The following CEBPZOS variants were observed in gnomAD, a reference collection of about 807,000 sequenced individuals.
The protein encoded by CEBPZOS is CEBPZ opposite strand.
Under a neutral mutation model 4.8 loss-of-function variants are expected in CEBPZOS, and 10 were observed. The ratio of observed to expected loss-of-function variants is 2.07; its 90% CI spans 1.28 to 3.52. CEBPZOS has a LOEUF of 3.52. CEBPZOS is among the 30% of genes most tolerant of loss of function. The pLI is 0.00. For synonymous variants in CEBPZOS, 25 were observed against 14.2 expected (o/e 1.77, Z -1.72); for missense variants, 98 against 43.6 (o/e 2.25, Z -3.51).
intron 4 of CEBPZOS, chr2:37,211,753 G>T: frequency 1.1e-6 from 1 of 891,032 alleles, no homozygotes; most frequent in Non-Finnish European, 1.7e-6. Flanking sequence ...TGAATACAGG[G>T]CTATATTAAA....
chr2:37,214,642 C>T (rs191502672), downstream of CEBPZOS, among the ~76,000 whole-genome samples: 7 of 152,158 alleles, frequency 4.6e-5, no homozygotes, highest in East Asian at 3.9e-4. Flanking sequence ...AGCAAAATGA[C>T]GGATTTGTAA....
At position 37,203,842 on chromosome 2, in the gene CEBPZOS, G is replaced by GT. The variant is rs1436768373; in HGVS notation, c.*1987dup. On this transcript the variant is annotated 3_prime_UTR_variant, in exon 5 of 5. Transcript: ENST00000402297. ...TCTGACTTTTTTCATTTAGCATAAC[G>GT]TTTTTGAGGCTCATCCATGTTGTAG... 2.0e-5 allele frequency: 3 copies of GT among 152,114 alleles called. No homozygotes were observed. The highest frequency in any genetic ancestry group is 7.2e-5 in the African/African-American group (3 of 41,416). The allele number at this position is 152,114 out of a possible 1,614,324, so 9.4% of individuals were successfully genotyped here.
rs569299504 is a variant in CEBPZOS at position 37,211,913 on chromosome 2, T to G, written c.*3-1524T>G. On this transcript the variant is annotated intron_variant, in intron 4 of 4. Coordinates refer to the CEBPZOS transcript ENST00000397064. ...CTCCATCTTCATCAACTTCAGCAAA[T>G]TCTTCATCATCCATACTTCCTAAAG... 100 of 1,613,376 alleles carry G rather than the reference T, an allele frequency of 6.2e-5. No homozygotes were observed. In the East Asian group the frequency reaches 2.1e-3, roughly 34 times the overall value.
chr2:37,212,472 TAA>T, intron 4 of CEBPZOS: 3 of 1,195,098 alleles, frequency 2.5e-6, no homozygotes, highest in Non-Finnish European at 1.2e-6. Context: ...TCAATTATTC[TAA>T]GTCATGATTC....
intron 4 of CEBPZOS, chr2:37,212,468 AT>A (rs1179671477): frequency 1.1e-4 from 129 of 1,227,422 alleles, no homozygotes; most frequent in Non-Finnish European, 1.5e-4. Context: ...TGAATCAATT[AT>A]TCTAAGTCAT....
intron 1 of CEBPZOS, among the ~76,000 whole-genome samples, chr2:37,199,237 G>A (rs1677093459): frequency 6.6e-6 from 1 of 152,076 alleles, no homozygotes; most frequent in Admixed American, 6.5e-5. Flanking sequence ...AATAGTGTAT[G>A]TTGTATTAAT....
At chr2:37,211,602 C>A (rs887183197) in intron 4 of CEBPZOS, 1 of 441,120 alleles carries the variant, frequency 2.3e-6, no homozygotes, top group South Asian at 4.9e-5. Context: ...TACAGAGAAG[C>A]TAGCTGCTGG....
chr2:37,200,801 A>AG (rs932301215), intron 2 of CEBPZOS, among the ~76,000 whole-genome samples: 5 of 152,192 alleles, frequency 3.3e-5, no homozygotes, highest in South Asian at 4.1e-4. Context: ...AGCCCAGCCC[A>AG]GGGGGGTCTA....
Position 37,211,706 on chromosome 2 carries a change from G to A in CEBPZOS, c.*3-1731G>A, listed in dbSNP as rs187691765. On this transcript the variant is annotated intron_variant, in intron 4 of 4. Coordinates refer to the CEBPZOS transcript ENST00000397064. The stretch of plus-strand genomic sequence containing the variant: ...TTCAGCTCCAAACGAGAAGGGAAAA[G>A]GTCCTTTTAAGTTTCTGGCTGACAT... 1.1e-4 allele frequency: 70 copies of A among 617,296 alleles called. 1 individual carries two copies. The East Asian group carries it at 1.9e-3, about 17-fold the overall frequency. The allele number at this position is 617,296 out of a possible 1,614,324, so 38.2% of individuals were successfully genotyped here. A position where few individuals can be genotyped will look rare whatever the true frequency, so the allele number is the denominator to read the frequency against.
intron 4 of CEBPZOS, chr2:37,209,772 C>A (rs943531123): frequency 6.6e-6 from 1 of 151,948 alleles, no homozygotes; most frequent in Admixed American, 6.6e-5. Context: ...GCAACAAAAA[C>A]AAATAGATGG....
intron 1 of CEBPZOS, among the ~76,000 whole-genome samples, chr2:37,197,837 G>A (rs986358650): frequency 6.6e-6 from 1 of 151,982 alleles, no homozygotes; most frequent in African/African-American, 2.4e-5. Context: ...CTGCACTCCT[G>A]CCTGGGAGAC....
At chr2:37,215,631 T>C (rs1007922140), downstream of CEBPZOS, 3 of 152,980 alleles carry the variant, frequency 2.0e-5, no homozygotes, top group Non-Finnish European at 4.4e-5. Flanking sequence ...AGATCTGGTA[T>C]GCAAAGAAAT....
Position 37,204,296 on chromosome 2 carries a change from T to C in CEBPZOS, c.*2436T>C, listed in dbSNP as rs1350185791. On this transcript the variant is annotated 3_prime_UTR_variant, in exon 5 of 5. Transcript: ENST00000402297. ...TTTTTGATTTTTTTTTTTTTTTTTTTGAGACAGAGTCTCGCTTTGTCGCCA... is the reference window on the plus strand; with the variant it reads ...TTTTTGATTTTTTTTTTTTTTTTTTCGAGACAGAGTCTCGCTTTGTCGCCA... 7.3e-6 allele frequency: 1 copy of C among 136,766 alleles called. No homozygotes were observed. Among genetic ancestry groups the C allele is most frequent in the African/African-American group, 2.6e-5 (1 of 37,900 alleles). The allele number at this position is 136,766 out of a possible 1,614,324, so 8.5% of individuals were successfully genotyped here. A position where few individuals can be genotyped will look rare whatever the true frequency, so the allele number is the denominator to read the frequency against.
intron 4 of CEBPZOS, chr2:37,210,776 A>G: frequency 4.5e-6 from 2 of 445,616 alleles, no homozygotes; most frequent in South Asian, 6.5e-5. Flanking sequence ...AAATAATGAT[A>G]ACAAATTTTT....
intron 2 of CEBPZOS, 93 bp downstream of exon 2, chr2:37,199,912 T>C (rs1677133525): frequency 7.8e-6 from 5 of 642,490 alleles, no homozygotes; most frequent in Non-Finnish European, 1.4e-5. Context: ...TTTGGAGAAA[T>C]TGGTTCTTCA....
intron 2 of CEBPZOS, 97 bp from the exon 3 acceptor site, chr2:37,200,951 C>T: frequency 1.5e-6 from 1 of 668,802 alleles, no homozygotes; most frequent in African/African-American, 1.8e-5. Flanking sequence ...ATATGGTTCC[C>T]ATCATATGGA....
At chr2:37,211,710 C>G in intron 4 of CEBPZOS, 1 of 634,438 alleles carries the variant, frequency 1.6e-6, no homozygotes. Context: ...GGAAAAGGTC[C>G]TTTTAAGTTT....
chr2:37,207,384 G>A (rs989182780), downstream of CEBPZOS, among the ~76,000 whole-genome samples: 3 of 152,124 alleles, frequency 2.0e-5, no homozygotes, highest in African/African-American at 7.2e-5. Context: ...CATTCTCAAG[G>A]ATAGACCATA....
At chr2:37,200,173 G>A (rs1558460624) in intron 2 of CEBPZOS, among the ~76,000 whole-genome samples, 1 of 152,108 alleles carries the variant, frequency 6.6e-6, no homozygotes, top group South Asian at 2.1e-4. Context: ...GAAAGTAACT[G>A]GTATTGCTGT....
Sources: allele counts gnomAD v4.1 joint callset (sites outside exome capture counted in the v4.1 genomes callset), GRCh38; gene constraint gnomAD v4.1.1; transcripts MANE v1.5; gene names NCBI Gene and HGNC (gene_info 2026-07-23, HGNC 2026-07-21).